Variants in ZNF165 observed in about 807,000 individuals in gnomAD.
ZNF165 encodes cancer/testis antigen 53.
A neutral mutation model predicts 19.6 loss-of-function variants in ZNF165; 14 were observed. The observed-to-expected ratio is 0.71, with a 90% CI of 0.47 to 1.12. The LOEUF is 1.12. Among genes scored for constraint, ZNF165 ranks in the 50% most tolerant of loss-of-function variants. The pLI, the probability that ZNF165 is intolerant of heterozygous loss-of-function variation, is 0.00. For missense variants in ZNF165, 504 were observed against 566.3 expected, an observed-to-expected ratio of 0.89 and a Z score of 1.12; for synonymous variants, 165 against 195.0, an observed-to-expected ratio of 0.85 and a Z score of 1.28.
At chr6:28,087,532 C>T (rs1041808897) in intron 3 of ZNF165, among the ~76,000 whole-genome samples, 4 of 152,216 alleles carry the variant, frequency 2.6e-5, no homozygotes, top group African/African-American at 7.2e-5. Flanking sequence ...ACATGAGCCA[C>T]GGAGCCTGGC....
intron 3 of ZNF165, among the ~76,000 whole-genome samples, chr6:28,088,273 C>T (rs543269214): frequency 3.3e-5 from 5 of 152,142 alleles, no homozygotes; most frequent in East Asian, 1.9e-4. Context: ...GTTCCTTCTC[C>T]GTACTCTATC....
intron 2 of ZNF165, 54 bp downstream of exon 2, chr6:28,085,945 GGGA>G: frequency 6.3e-7 from 1 of 1,582,838 alleles, no homozygotes; most frequent in South Asian, 1.1e-5. Context: ...GTTCCACGGT[GGGA>G]GGAGAGGCCC....
At chr6:28,081,280 T>C (rs999555183) in intron 1 of ZNF165, 2 of 151,960 alleles carry the variant, frequency 1.3e-5, no homozygotes, top group Admixed American at 1.3e-4. Context: ...GTAAGAGGAG[T>C]TGCCCATTCC....
At position 28,082,907 on chromosome 6, in the gene ZNF165, C is replaced by A. The variant is rs562988520; in HGVS notation, c.-1+1937C>A. Among the ~76,000 whole-genome samples, 4 of 152,350 alleles carry A rather than the reference C, an allele frequency of 2.6e-5. No individual in the cohort carries two copies. The East Asian group carries it at 7.7e-4, about 29-fold the overall frequency. On this transcript the variant is annotated intron_variant, in intron 1 of 3. Coordinates refer to ENST00000683778, the MANE Select transcript of ZNF165 (RefSeq NM_001376491.1). The stretch of plus-strand genomic sequence containing the variant: ...CAAAACAGAAGTCATCTGAAACTTT[C>A]CTAATTTTTCCTTTCAATCATAAAT...
At chr6:28,085,454 A>C in intron 1 of ZNF165, 27 bp from the exon 2 acceptor site, 1 of 1,588,422 alleles carries the variant, frequency 6.3e-7, no homozygotes, top group South Asian at 1.2e-5. Context: ...TTTCCAAAGC[A>C]GTTCTGATAA....
chr6:28,085,998 G>A, intron 2 of ZNF165, 107 bp downstream of exon 2: 4 of 1,506,594 alleles, frequency 2.7e-6, no homozygotes, highest in Non-Finnish European at 2.7e-6. Flanking sequence ...TTGGTTCAGT[G>A]TGCATTTATG....
At position 28,088,970 on chromosome 6, in the gene ZNF165, C is replaced by T. The variant is rs113324755; in HGVS notation, c.958C>T (p.His320Tyr). ...HQIIYAGEKN[H>Y]QYGKSFKSPK... ...AATAATTTATGCTGGAGAAAAAAAT[C>T]ACCAATATGGAAAATCTTTCAAGAG... Residue 320 changes from histidine (H) to tyrosine (Y), a missense_variant, in exon 4 of 4, where the codon CAC becomes TAC. Physicochemically the swap from His to Tyr is moderately conservative, Grantham distance 83. Coordinates refer to ENST00000683778, the MANE Select transcript of ZNF165 (RefSeq NM_001376491.1). 2.5e-6 allele frequency: 4 copies of T among 1,614,144 alleles called. No individual in the cohort carries two copies. The highest frequency in any genetic ancestry group is 1.1e-5 in the South Asian group (1 of 91,078).
At position 28,089,416 on chromosome 6, in the gene ZNF165, C is replaced by T. The variant is rs1382628701; in HGVS notation, c.1404C>T (p.Ser468=). ...CSECGRAFSQ[S]SNLSQHQRIH... ...AGTGTGGAAGAGCCTTCAGTCAGAG[C>T]TCAAACCTTAGTCAACACCAGAGAA... Residue 468 remains serine, a synonymous_variant, in exon 4 of 4, where the codon AGC becomes AGT. Coordinates refer to ENST00000683778, the MANE Select transcript of ZNF165 (RefSeq NM_001376491.1). The T allele has an allele frequency of 1.2e-6, 2 of 1,613,438 alleles. No homozygotes were observed. Among genetic ancestry groups the T allele is most frequent in the South Asian group, 2.2e-5 (2 of 90,944 alleles).
rs767837017 is a variant in ZNF165 at position 28,088,570 on chromosome 6, G to A, written c.558G>A (p.Glu186=). Residue 186 remains glutamate (E), a synonymous_variant, in exon 4 of 4, where the codon GAG becomes GAA. Coordinates refer to ENST00000683778, the MANE Select transcript of ZNF165 (RefSeq NM_001376491.1). The part of the protein sequence containing the change: ...EPQLLWDCDN[E]SENSRSMPKL... The stretch of plus-strand genomic sequence containing the variant: ...CTTTCTTTTTTATTTTAGATAATGA[G>A]AGTGAAAACAGTAGATCCATGCCAA... 3 of 1,583,064 alleles carry A rather than the reference G, an allele frequency of 1.9e-6. No homozygotes were observed. Among genetic ancestry groups the A allele is most frequent in the Non-Finnish European group, 2.6e-6 (3 of 1,169,366 alleles).
At chr6:28,083,681 C>A (rs915539422) in intron 1 of ZNF165, among the ~76,000 whole-genome samples, 5 of 152,190 alleles carry the variant, frequency 3.3e-5, no homozygotes, top group African/African-American at 1.2e-4. Flanking sequence ...CACCATTGCT[C>A]CATCTGCGAG....
chr6:28,088,293 C>T (rs1323248291), intron 3 of ZNF165, among the ~76,000 whole-genome samples: 2 of 152,198 alleles, frequency 1.3e-5, no homozygotes, highest in South Asian at 4.1e-4. Context: ...CTCCCCCTAT[C>T]TCTTGAGTTC....
In ZNF165 at chr6:28,085,799, GCCTGGGTACATGAA is replaced by G. The variant is rs1420662502; in HGVS notation, c.321_334del (p.Trp108LeufsTer20). On this transcript the variant is annotated frameshift_variant, in exon 2 of 4. Coordinates refer to ENST00000683778, the MANE Select transcript of ZNF165 (RefSeq NM_001376491.1). LOFTEE classifies it high-confidence loss of function. ...GACCATCCTGCCAGGAGATTTGCAG[GCCTGGGTACATGAA>G]CATTACCCAGAGAGTGGAGAGGAGG... 1 of 1,613,804 alleles carries G rather than the reference GCCTGGGTACATGAA, an allele frequency of 6.2e-7. No homozygotes were observed. The highest frequency in any genetic ancestry group is 1.3e-5 in the African/African-American group (1 of 75,054).
At position 28,085,974 on chromosome 6, in the gene ZNF165, G is replaced by A. The variant is rs116521814; in HGVS notation, c.411+83G>A. The A allele has an allele frequency of 6.0e-4, 933 of 1,550,060 alleles. 9 individuals are homozygous for A. In the African/African-American group the frequency reaches 0.01, roughly 17 times the overall value. ...GGAGAGGCCCGAGATTGCATATCTA[G>A]CTTGCAGGAGCTGTTGGTTCAGTGT... is the stretch of plus-strand genomic sequence containing the variant. On this transcript the variant is annotated intron_variant, in intron 2 of 3. Transcript: ENST00000683778.
chr6:28,081,556 G>A (rs1421744128), intron 1 of ZNF165: 2 of 151,962 alleles, frequency 1.3e-5, no homozygotes, highest in African/African-American at 4.8e-5. Flanking sequence ...TTACCAGCAT[G>A]CCCCTTGAAG....
In ZNF165 at chr6:28,088,687, C is replaced by CTTT. The variant is rs767390834; in HGVS notation, c.675_676insTTT (p.Asp225_Ile226insPhe). 6.2e-7 allele frequency: 1 copy of CTTT among 1,613,990 alleles called. No individual in the cohort carries two copies. Among genetic ancestry groups the CTTT allele is most frequent in the African/African-American group, 1.3e-5 (1 of 74,902 alleles). The stretch of plus-strand genomic sequence containing the variant: ...CAGAAGCATCTGGTGAGTCTCAAGA[C>CTTT]ATCTGTAAGTCTGCAGGCAGGGTAA... On this transcript the variant is annotated inframe_insertion, in exon 4 of 4. Transcript: ENST00000683778.
In ZNF165 at chr6:28,085,886, C is replaced by T; in HGVS notation, c.406C>T (p.Leu136Phe). Reference protein sequence around the residue: ...DLERGTDEAVLQVQAHEHGQE... With the variant: ...DLERGTDEAVFQVQAHEHGQE... ...GGAGAGAGGCACTGATGAAGCAGTA[C>T]TCCAGGTGCACAGGGGATGGGAGAT... Residue 136 changes from leucine to phenylalanine, a missense_variant, in exon 2 of 4, where the codon CTC (leucine) becomes TTC (phenylalanine). Coordinates refer to ENST00000683778, the MANE Select transcript of ZNF165 (RefSeq NM_001376491.1). The T allele has an allele frequency of 6.2e-7, 1 of 1,609,392 alleles. No homozygotes were observed. The highest frequency in any genetic ancestry group is 1.1e-5 in the South Asian group (1 of 91,022).
intron 1 of ZNF165, among the ~76,000 whole-genome samples, chr6:28,083,459 T>C (rs1764200661): frequency 6.6e-6 from 1 of 152,168 alleles, no homozygotes; most frequent in Admixed American, 6.5e-5. Flanking sequence ...CTGACCTGCA[T>C]CACCTTTAAT....
Position 28,080,987 on chromosome 6 carries a change from G to A in ZNF165, c.-1+17G>A, listed in dbSNP as rs1764140614. On this transcript the variant is annotated intron_variant, in intron 1 of 3. Transcript: ENST00000683778. ...GTCCGAGAGGTGAGTCCGGGTTTGG[G>A]GATCCAGATGTCCAGCCCCGTGTCC... 1 of 152,374 alleles carries A rather than the reference G, an allele frequency of 6.6e-6. No individual in the cohort carries two copies. Among genetic ancestry groups the A allele is most frequent in the South Asian group, 2.1e-4 (1 of 4,836 alleles). 9.4% of individuals were successfully genotyped at this position (152,374 alleles called of 1,614,324 possible).
chr6:28,087,491 G>A (rs945240604), intron 3 of ZNF165, among the ~76,000 whole-genome samples: 7 of 152,134 alleles, frequency 4.6e-5, no homozygotes, highest in African/African-American at 4.8e-5. Flanking sequence ...TGATCCGCCC[G>A]CCTTGGCCTC....
Sources: gnomAD v4.1 joint callset for allele counts (sites outside exome capture counted in the v4.1 genomes callset) on GRCh38, gnomAD v4.1.1 for gene constraint, MANE v1.5 for transcripts, NCBI Gene and HGNC (gene_info 2026-07-23, HGNC 2026-07-21) for gene names.